The following MYO19 variants were observed in gnomAD, a reference collection of about 807,000 sequenced individuals.
MYO19 encodes myosin XIX.
A neutral mutation model predicts 129.2 loss-of-function variants in MYO19; 132 were observed. The ratio of observed to expected loss-of-function variants is 1.02; its 90% CI spans 0.89 to 1.18. The LOEUF (loss-of-function observed/expected upper bound fraction) is 1.18. Among genes scored for constraint, MYO19 ranks in the 50% most tolerant of loss-of-function variants. The probability of loss-of-function intolerance (pLI) is 0.00; values close to 1 mark genes in which losing one functional copy is unlikely to be tolerated. For missense variants in MYO19, 1,210 were observed against 1,216.7 expected (o/e 0.99, Z 0.08); for synonymous variants, 531 against 477.2 (o/e 1.11, Z -1.47).
Position 36,506,482 on chromosome 17 carries a change from C to A in MYO19, c.1771G>T (p.Val591Leu). The A allele has an allele frequency of 6.2e-7, 1 of 1,613,754 alleles. No individual in the cohort carries two copies. Among genetic ancestry groups the A allele is most frequent in the East Asian group, 2.2e-5 (1 of 44,850 alleles). The change falls in exon 18 of 26, where the codon GTG (valine) becomes TTG (leucine). Residue 591 changes from valine (V) to leucine (L), a missense_variant. Physicochemically the swap from Val to Leu is conservative, Grantham distance 32. Coordinates refer to ENST00000614623, the MANE Select transcript of MYO19 (RefSeq NM_001163735.2). ...TTGAACTTGGACACCACGGTCAACA[C>A]AGGGGCCCTGCTCTGGCCAGGGGGT... ...EEPPGQSRAPVLTVVSKFKAS... is the reference protein window; with the variant it reads ...EEPPGQSRAPLLTVVSKFKAS...
At chr17:36,498,001 T>C (rs1010875615) in intron 25 of MYO19, 5 of 473,352 alleles carry the variant, frequency 1.1e-5, no homozygotes, top group South Asian at 8.0e-5. Flanking sequence ...AGCATTGCAT[T>C]TGGAAATGGG....
rs763987559 is a variant in MYO19, at chr17:36,506,958, C to CT, written c.1644+4_1644+5insA. On this transcript the variant is annotated splice_donor_region_variant and intron_variant, in intron 17 of 25. Transcript: ENST00000614623. ...AGGCCCCACAGGGCATGGCCCAGCC[C>CT]GTACCTTGTTCTTCTCCACCAGGCC... 405 of 1,588,016 alleles carry CT rather than the reference C, an allele frequency of 2.6e-4. 1 individual carries two copies. The highest frequency in any genetic ancestry group is 3.3e-4 in the Non-Finnish European group (388 of 1,161,978).
chr17:36,500,853 C>A lies in MYO19; in HGVS notation c.2354G>T (p.Arg785Leu). Reference sequence around the variant, plus strand: ...ACCTGCCTGGATGAGCATGACGGCCCGCCACTGCCGCTCCTGCTCTCGGTG... The same window carrying A: ...ACCTGCCTGGATGAGCATGACGGCCAGCCACTGCCGCTCCTGCTCTCGGTG... ...HRHREQERQWRAVMLIQAAIR... is the reference protein window; with the variant it reads ...HRHREQERQWLAVMLIQAAIR... Residue 785 changes from arginine to leucine, a missense_variant, in exon 23 of 26, where the codon CGG becomes CTG. Arg to Leu is a moderately radical substitution (Grantham distance 102). Transcript: ENST00000614623. The A allele has an allele frequency of 1.2e-6, 2 of 1,603,136 alleles. No individual in the cohort carries two copies. Among genetic ancestry groups the A allele is most frequent in the Non-Finnish European group, 1.7e-6 (2 of 1,178,786 alleles).
At chr17:36,523,620 T>C (rs928507483) in intron 6 of MYO19, among the ~76,000 whole-genome samples, 2 of 152,204 alleles carry the variant, frequency 1.3e-5, no homozygotes, top group Non-Finnish European at 1.5e-5. Context: ...GAATATATAG[T>C]ATATTATATG....
Position 36,507,067 on chromosome 17 carries a change from G to A in MYO19, c.1540C>T (p.Pro514Ser). 8 of 1,613,612 alleles carry A rather than the reference G, an allele frequency of 5.0e-6. No homozygotes were observed. Among genetic ancestry groups the A allele is most frequent in the Non-Finnish European group, 6.8e-6 (8 of 1,179,644 alleles). Residue 514 changes from proline (P) to serine (S), a missense_variant, in exon 17 of 26, where the codon CCC becomes TCC. Pro to Ser is a moderately conservative substitution (Grantham distance 74, BLOSUM62 -1). Coordinates refer to ENST00000614623, the MANE Select transcript of MYO19 (RefSeq NM_001163735.2). The stretch of plus-strand genomic sequence containing the variant: ...CTGAGCTTATTGTGGCCCAGGCAGG[G>A]GCTGCCTGCCAGGGCAGTCTCAATG... ...TRIETALAGS[P>S]CLGHNKLSRE...
chr17:36,532,431 G>A lies in MYO19; in HGVS notation c.12+96C>T, dbSNP rs948814161. On this transcript the variant is annotated intron_variant, in intron 3 of 25. Transcript: ENST00000614623. ...AGAGACAATTTGAGGAGAGAAAAGA[G>A]ACCTTTAAGGGGGCTTTCCCTTCCT... The A allele has an allele frequency of 2.7e-5, 38 of 1,426,646 alleles. No individual in the cohort carries two copies. In the Admixed American group the frequency reaches 7.1e-4, roughly 27 times the overall value. 88.4% of individuals were successfully genotyped at this position (1,426,646 alleles called of 1,614,324 possible). A position where few individuals can be genotyped will look rare whatever the true frequency, so the allele number is the denominator to read the frequency against.
Position 36,505,440 on chromosome 17 carries a change from G to A in MYO19, c.1798-36C>T, listed in dbSNP as rs190060284. On this transcript the variant is annotated intron_variant, in intron 18 of 25. Transcript: ENST00000614623. The stretch of plus-strand genomic sequence containing the variant: ...GAGACCATGGGGTTAGGCAGGGAGA[G>A]GGGCTGCCCAGGGCCATCAACTGGG... The A allele has an allele frequency of 3.5e-5, 55 of 1,555,736 alleles. No homozygotes were observed. The African/African-American group carries it at 6.9e-4, about 20-fold the overall frequency.
At chr17:36,524,322 G>A (rs1308937182) in intron 6 of MYO19, among the ~76,000 whole-genome samples, 1 of 152,164 alleles carries the variant, frequency 6.6e-6, no homozygotes, top group Non-Finnish European at 1.5e-5. Flanking sequence ...CCACCCCTCA[G>A]TGCCCAGCCA....
intron 14 of MYO19, chr17:36,508,241 G>A (rs1363896734): frequency 2.1e-5 from 5 of 234,980 alleles, no homozygotes; most frequent in South Asian, 1.6e-4. Context: ...CCTCCTATGA[G>A]GAAACCAGGT....
chr17:36,526,922 G>A (rs1467731788), intron 5 of MYO19, among the ~76,000 whole-genome samples: 3 of 151,770 alleles, frequency 2.0e-5, no homozygotes, highest in Non-Finnish European at 4.4e-5. Flanking sequence ...GCTCACACCT[G>A]TAATTCCAGC....
chr17:36,512,999 C>T (rs1051181704), intron 11 of MYO19: 12 of 841,504 alleles, frequency 1.4e-5, no homozygotes, highest in Non-Finnish European at 1.6e-5. Flanking sequence ...ACCTTGGGCA[C>T]GTCACTTTAC....
intron 1 of MYO19, among the ~76,000 whole-genome samples, chr17:36,534,414 A>G (rs2142552450): frequency 6.6e-6 from 1 of 152,276 alleles, no homozygotes; most frequent in East Asian, 1.9e-4. Flanking sequence ...ACCCCAGCCA[A>G]GGGCGCAGCT....
At chr17:36,515,003 G>T in intron 8 of MYO19, 110 bp downstream of exon 8, 1 of 887,992 alleles carries the variant, frequency 1.1e-6, no homozygotes, top group African/African-American at 1.7e-5. Context: ...CATGCACCAG[G>T]AGGAGCAGGG....
At chr17:36,510,720 A>G (rs1173312286) in intron 13 of MYO19, 26 bp downstream of exon 13, 1 of 1,569,004 alleles carries the variant, frequency 6.4e-7, no homozygotes, top group Non-Finnish European at 8.7e-7. Context: ...GGTCCTCCCC[A>G]ACAAGGGGCC....
chr17:36,507,701 G>T, intron 15 of MYO19, 102 bp downstream of exon 15: 1 of 1,379,214 alleles, frequency 7.3e-7, no homozygotes, highest in South Asian at 1.5e-5. Context: ...AAATAAGAAG[G>T]AACAAAAGGC....
chr17:36,518,448 T>A (rs1251346419), intron 6 of MYO19, among the ~76,000 whole-genome samples: 2 of 124,706 alleles, frequency 1.6e-5, no homozygotes, highest in Non-Finnish European at 3.1e-5. Flanking sequence ...TGAGCTGAGA[T>A]CACACCACTG....
intron 1 of MYO19, 192 bp from the exon 2 acceptor site, chr17:36,534,296 A>C (rs2073996431): frequency 6.6e-6 from 1 of 152,204 alleles, no homozygotes; most frequent in Non-Finnish European, 1.5e-5. Context: ...TCCCGGCGGG[A>C]ACCGGGGACT....
intron 2 of MYO19, chr17:36,533,058 G>A (rs867776872): frequency 6.4e-6 from 1 of 156,668 alleles, no homozygotes; most frequent in African/African-American, 2.4e-5. Flanking sequence ...GTCATCTCTC[G>A]CTGCTCCAGG....
At chr17:36,512,205 ACACACAC>A (rs2072386923) in intron 11 of MYO19, among the ~76,000 whole-genome samples, 10 of 62,544 alleles carry the variant, frequency 1.6e-4, no homozygotes, top group Non-Finnish European at 2.3e-4. Flanking sequence ...AAACACACAC[ACACACAC>A]ACACACACAC....
Sources: allele counts gnomAD v4.1 joint callset (sites outside exome capture counted in the v4.1 genomes callset), GRCh38; gene constraint gnomAD v4.1.1; transcripts MANE v1.5; gene names NCBI Gene and HGNC (gene_info 2026-07-23, HGNC 2026-07-21).